The following ZNF268 variants were observed in gnomAD, a reference collection of about 807,000 sequenced individuals.
ZNF268 encodes the protein zinc finger protein 3.
Under a neutral mutation model 29.3 loss-of-function variants are expected in ZNF268, and 20 were observed. The ratio of observed to expected loss-of-function variants is 0.68; its 90% CI spans 0.48 to 0.99. The LOEUF (loss-of-function observed/expected upper bound fraction) is 0.99. Ranked by LOEUF, ZNF268 falls within the 50% of genes least tolerant of loss-of-function variation. The pLI is 0.00. For synonymous variants in ZNF268, 429 were observed against 376.9 expected, an observed-to-expected ratio of 1.14 and a Z score of -1.60; for missense variants, 1,240 against 1,121.6, an observed-to-expected ratio of 1.11 and a Z score of -1.51.
At chr12:133,201,586 T>G (rs1258866999) in intron 5 of ZNF268, among the ~76,000 whole-genome samples, 1 of 152,064 alleles carries the variant, frequency 6.6e-6, no homozygotes, top group Non-Finnish European at 1.5e-5. Context: ...TCTGGATGGT[T>G]TTAAGAACTG....
At position 133,203,759 on chromosome 12, in the gene ZNF268, A is replaced by G; in HGVS notation, c.2073A>G (p.Thr691=). The change falls in exon 6 of 6, where the codon ACA becomes ACG. Residue 691 remains threonine, a synonymous_variant. Coordinates refer to ENST00000536435, the MANE Select transcript of ZNF268 (RefSeq NM_003415.3). ...SQLIVHQRSH[T]GVKPYGCSEC... ...TCATTGTACATCAGAGAAGTCACAC[A>G]GGAGTAAAACCATATGGATGCAGTG... 2 of 1,562,134 alleles carry G rather than the reference A, an allele frequency of 1.3e-6. No individual in the cohort carries two copies. The highest frequency in any genetic ancestry group is 1.7e-6 in the Non-Finnish European group (2 of 1,160,196).
At chr12:133,195,708 T>TTTTTTG (rs550867903) in intron 5 of ZNF268, among the ~76,000 whole-genome samples, 2 of 151,718 alleles carry the variant, frequency 1.3e-5, no homozygotes, top group East Asian at 1.9e-4. Context: ...TCCTGTCTCT[T>TTTTTTG]TTTTTGTTTT....
Position 133,197,764 on chromosome 12 carries a change from T to C in ZNF268, c.458-4380T>C, listed in dbSNP as rs920176775. 4.0e-3 allele frequency among the ~76,000 whole-genome samples: 607 copies of C among 152,306 alleles called. 8 individuals are homozygous for C. Among genetic ancestry groups the C allele is most frequent in the African/African-American group, 0.014 (587 of 41,572 alleles). ...GTGAGATGGTATCTCATTGTGGTTT[T>C]GATTTGCATTTCTCTGATGGCCAGT... On this transcript the variant is annotated intron_variant, in intron 5 of 5. Transcript: ENST00000536435.
At chr12:133,190,492 A>G (rs1369805444) in intron 3 of ZNF268, among the ~76,000 whole-genome samples, 1 of 152,108 alleles carries the variant, frequency 6.6e-6, no homozygotes, top group South Asian at 2.1e-4. Flanking sequence ...TATCCATTCT[A>G]ATAGGTGTGT....
intron 2 of ZNF268, chr12:133,184,681 A>G: frequency 2.2e-6 from 1 of 451,106 alleles, no homozygotes; most frequent in Non-Finnish European, 4.5e-6. Context: ...TGCAGTGGCT[A>G]TCTCTGCTCA....
chr12:133,203,913 CAG>C lies in ZNF268; in HGVS notation c.2231_2232del (p.Arg744AsnfsTer9). 2 of 1,586,596 alleles carry C rather than the reference CAG, an allele frequency of 1.3e-6. No homozygotes were observed. Among genetic ancestry groups the C allele is most frequent in the African/African-American group, 1.3e-5 (1 of 74,162 alleles). ...FSFNSQLIVH[Q>X]RIHTGENPYE... Reference sequence around the variant, plus strand: ...TTTCAATTCACAACTCATTGTGCATCAGAGAATTCACACAGGAGAAAATCCCT... The same window carrying C: ...TTTCAATTCACAACTCATTGTGCATCAGAATTCACACAGGAGAAAATCCCT... On this transcript the variant is annotated frameshift_variant, in exon 6 of 6. Transcript: ENST00000536435. LOFTEE classifies it low-confidence loss of function (END_TRUNC).
intron 2 of ZNF268, among the ~76,000 whole-genome samples, chr12:133,182,535 G>C (rs1040921046): frequency 1.3e-5 from 2 of 152,088 alleles, no homozygotes; most frequent in Non-Finnish European, 2.9e-5. Flanking sequence ...GAGTGCTCTG[G>C]GAGCAGGCTG....
intron 1 of ZNF268, 107 bp downstream of exon 1, chr12:133,181,793 T>G: frequency 1.7e-6 from 1 of 600,140 alleles, no homozygotes. Flanking sequence ...AACCTGTGTG[T>G]TGGTGAGGGT....
At chr12:133,197,667 G>T (rs1419054430) in intron 5 of ZNF268, among the ~76,000 whole-genome samples, 1 of 152,206 alleles carries the variant, frequency 6.6e-6, no homozygotes, top group Non-Finnish European at 1.5e-5. Context: ...GTGTAAAGGT[G>T]TTCCTGTTTC....
At chr12:133,191,771 T>C in intron 4 of ZNF268, 137 bp from the exon 5 acceptor site, 1 of 1,434,926 alleles carries the variant, frequency 7.0e-7, no homozygotes. Flanking sequence ...AGTATGCCAG[T>C]TGAATGGTCT....
At chr12:133,202,076 A>T in intron 5 of ZNF268, 68 bp from the exon 6 acceptor site, 1 of 1,306,176 alleles carries the variant, frequency 7.7e-7, no homozygotes, top group East Asian at 2.4e-5. Context: ...TTCTTATTTC[A>T]TAGGCAACTT....
intron 5 of ZNF268, among the ~76,000 whole-genome samples, chr12:133,192,731 G>A (rs1456980414): frequency 3.9e-5 from 6 of 152,004 alleles, no homozygotes; most frequent in Non-Finnish European, 7.4e-5. Context: ...GTGCAGGGGT[G>A]CAATCTCGGC....
chr12:133,192,008 G>A lies in ZNF268; in HGVS notation c.457+5G>A, dbSNP rs1360869417. On this transcript the variant is annotated splice_donor_5th_base_variant and intron_variant, in intron 5 of 5. Transcript: ENST00000536435. ...TTCCAAATCAGACCTGTCCAAGTGA[G>A]TGATGGAGACAAATCTTTTCTTCTT... The A allele has an allele frequency of 6.3e-7, 1 of 1,597,852 alleles. No homozygotes were observed. The highest frequency in any genetic ancestry group is 8.6e-7 in the Non-Finnish European group (1 of 1,169,154).
In ZNF268 at chr12:133,202,564, T is replaced by G. The variant is rs371476540; in HGVS notation, c.878T>G (p.Val293Gly). 8 of 1,610,318 alleles carry G rather than the reference T, an allele frequency of 5.0e-6. No individual in the cohort carries two copies. In the African/African-American group the frequency reaches 8.0e-5, roughly 16 times the overall value. ...KAFSSKSYLL[V>G]HQQTHAEEKP... ...TTCAGCAGCAAGTCATACCTTCTAG[T>G]GCATCAGCAAACTCATGCCGAAGAG... is the stretch of plus-strand genomic sequence containing the variant. Residue 293 changes from valine to glycine, a missense_variant, in exon 6 of 6, where the codon GTG becomes GGG. Transcript: ENST00000536435.
chr12:133,209,154 G>C lies in ZNF268; in HGVS notation c.*4624G>C. 6.6e-6 allele frequency: 1 copy of C among 152,280 alleles called. No homozygotes were observed. The highest frequency in any genetic ancestry group is 1.5e-5 in the Non-Finnish European group (1 of 68,058). 9.4% of individuals were successfully genotyped at this position (152,280 alleles called of 1,614,324 possible). ...AGATGGGGTTTCACCATGTTGGCCA[G>C]GCTGGTCTTGAACTCCTGACCTCGT... On this transcript the variant is annotated 3_prime_UTR_variant, in exon 6 of 6. Coordinates refer to ENST00000536435, the MANE Select transcript of ZNF268 (RefSeq NM_003415.3).
chr12:133,184,827 A>C, intron 2 of ZNF268: 1 of 350,068 alleles, frequency 2.9e-6, no homozygotes, highest in Non-Finnish European at 6.0e-6. Context: ...GTTAAGTTTC[A>C]ACATGAATTT....
chr12:133,188,829 T>C (rs1209059662), intron 3 of ZNF268, among the ~76,000 whole-genome samples: 1 of 152,206 alleles, frequency 6.6e-6, no homozygotes, highest in Admixed American at 6.5e-5. Context: ...GTGCTTCTTT[T>C]ACTTCCAATA....
At chr12:133,193,180 C>T (rs562680339) in intron 5 of ZNF268, among the ~76,000 whole-genome samples, 4 of 151,976 alleles carry the variant, frequency 2.6e-5, no homozygotes, top group African/African-American at 7.3e-5. Flanking sequence ...AAAAGACTTA[C>T]GCATTAGCTG....
At chr12:133,192,084 T>C in intron 5 of ZNF268, 81 bp downstream of exon 5, 1 of 1,232,228 alleles carries the variant, frequency 8.1e-7, no homozygotes, top group South Asian at 1.4e-5. Flanking sequence ...TTGTTTGTAC[T>C]TTGCCTCGTG....
Sources: gnomAD v4.1 joint callset for allele counts (sites outside exome capture counted in the v4.1 genomes callset) on GRCh38, gnomAD v4.1.1 for gene constraint, MANE v1.5 for transcripts, NCBI Gene and HGNC (gene_info 2026-07-23, HGNC 2026-07-21) for gene names.